Variants in HOXA3 observed in about 807,000 individuals in gnomAD.
HOXA3 encodes the protein homeobox protein Hox-A3.
A neutral mutation model predicts 30.3 loss-of-function variants in HOXA3; 8 were observed. That is an observed-to-expected ratio of 0.26 (90% confidence interval 0.15 to 0.48). The LOEUF (loss-of-function observed/expected upper bound fraction) is 0.48, where lower values mean the gene tolerates loss of function less well. HOXA3 is among the 20% of genes least tolerant of loss of function. HOXA3 has a pLI of 0.99. For synonymous variants in HOXA3, 323 were observed against 273.1 expected (o/e 1.18, Z -1.80); for missense variants, 653 against 614.4 (o/e 1.06, Z -0.66).
intron 3 of HOXA3, among the ~76,000 whole-genome samples, chr7:27,124,960 A>C (rs147068928): frequency 5.9e-5 from 9 of 152,132 alleles, no homozygotes; most frequent in African/African-American, 2.2e-4. Context: ...TCCCCTCCTG[A>C]GCCCAGTGGC....
intron 1 of HOXA3, chr7:27,147,725 T>C (rs375214907): frequency 2.5e-6 from 4 of 1,610,214 alleles, no homozygotes; most frequent in Non-Finnish European, 3.4e-6. Flanking sequence ...CCGGGGAAAG[T>C]GGGATTCACA....
chr7:27,130,195 GC>G, intron 2 of HOXA3: 1 of 1,572,418 alleles, frequency 6.4e-7, no homozygotes, highest in Non-Finnish European at 8.6e-7. Context: ...GCTCTTGTCG[GC>G]CAAGAGCAGC....
At chr7:27,145,337 G>T in intron 1 of HOXA3, 1 of 360,710 alleles carries the variant, frequency 2.8e-6, no homozygotes, top group South Asian at 4.7e-5. Flanking sequence ...AGCCCCAGAC[G>T]CATTCAGGGC....
chr7:27,130,221 G>A (rs756445998), intron 2 of HOXA3: 15 of 1,472,010 alleles, frequency 1.0e-5, no homozygotes, highest in Non-Finnish European at 8.1e-6. Context: ...ACGCGGGGGC[G>A]CTGCCCCCTG....
At chr7:27,126,062 A>G (rs936705766) in intron 3 of HOXA3, among the ~76,000 whole-genome samples, 3 of 152,190 alleles carry the variant, frequency 2.0e-5, no homozygotes, top group African/African-American at 7.2e-5. Flanking sequence ...CTGGGTATTA[A>G]GTACTCTACT....
intron 2 of HOXA3, among the ~76,000 whole-genome samples, chr7:27,139,409 C>A (rs963874294): frequency 6.6e-6 from 1 of 152,196 alleles, no homozygotes; most frequent in African/African-American, 2.4e-5. Context: ...CACCTTGCAA[C>A]CCGGGGGCCC....
rs762935434 is a variant in HOXA3, at chr7:27,108,103, G to T, written c.1144C>A (p.Leu382Ile). 4 of 1,610,462 alleles carry T rather than the reference G, an allele frequency of 2.5e-6. No homozygotes were observed. In the Admixed American group the frequency reaches 5.0e-5, roughly 20 times the overall value. ...TGGGGGAGGTGAGTTAGACCAAAGA[G>T]GGCTGGCCCGGAGTTGCTCATGGGC... ...VEPMSNSGPALFGLTHLPHAA... is the reference protein window; with the variant it reads ...VEPMSNSGPAIFGLTHLPHAA... The change falls in exon 6 of 6, where the codon CTC becomes ATC. Residue 382 changes from leucine (L) to isoleucine (I), a missense_variant. Transcript: ENST00000612286. The surrounding 1 kb of genome is among the most constrained non-coding windows in gnomAD (Gnocchi z 5.0).
intron 2 of HOXA3, chr7:27,130,525 GT>G (rs1562723019): frequency 2.2e-6 from 3 of 1,351,418 alleles, no homozygotes; most frequent in Non-Finnish European, 1.9e-6. Context: ...GTAGGAGGCA[GT>G]GGGCTCTCGG....
At chr7:27,112,204 T>C (rs1253692380) in intron 4 of HOXA3, among the ~76,000 whole-genome samples, 2 of 152,210 alleles carry the variant, frequency 1.3e-5, no homozygotes, top group Non-Finnish European at 2.9e-5. Context: ...CTCAGAATCT[T>C]AGTCCCTCTG....
chr7:27,129,039 C>G, intron 2 of HOXA3: 1 of 652,286 alleles, frequency 1.5e-6, no homozygotes, highest in South Asian at 1.8e-5. Context: ...ACTGTTCTCT[C>G]TTGGGTGGCA....
Position 27,107,971 on chromosome 7 carries a change from C to T in HOXA3, c.1276G>A (p.Gly426Ser), listed in dbSNP as rs1483717034. The change falls in exon 6 of 6, where the codon GGC (glycine) becomes AGC (serine). Residue 426 changes from glycine (G) to serine (S), a missense_variant. Around this residue, in one of 3 missense-constraint regions of HOXA3, gnomAD observed 330 missense variants for 274.4 expected, o/e 1.20. Coordinates refer to ENST00000612286, the MANE Select transcript of HOXA3 (RefSeq NM_153631.3). ...ATTCTTCCCTGAGAAGGATGGTGGC[C>T]GGTAAGGTCCGTGTAGGTGGGGTGC... ...EPHPTYTDLT[G>S]HHPSQGRIQE... 6.2e-7 allele frequency: 1 copy of T among 1,601,242 alleles called. No homozygotes were observed. Among genetic ancestry groups the T allele is most frequent in the Non-Finnish European group, 8.5e-7 (1 of 1,170,742 alleles).
At chr7:27,123,926 G>A (rs1269564941) in intron 3 of HOXA3, 18 of 152,382 alleles carry the variant, frequency 1.2e-4, no homozygotes, top group Non-Finnish European at 4.4e-5. Flanking sequence ...CCCAAAGGGA[G>A]TGCCCCCTGG....
At chr7:27,143,488 C>T in intron 1 of HOXA3, 1 of 1,613,888 alleles carries the variant, frequency 6.2e-7, no homozygotes, top group Non-Finnish European at 8.5e-7. Flanking sequence ...TGCCGGAGTG[C>T]ATGCTCGCCG....
intron 2 of HOXA3, among the ~76,000 whole-genome samples, chr7:27,136,419 AC>A (rs1303943131): frequency 6.6e-6 from 1 of 152,226 alleles, no homozygotes; most frequent in Non-Finnish European, 1.5e-5. Flanking sequence ...GAATGGGAGA[AC>A]CTTGCAAAAA....
intron 1 of HOXA3, chr7:27,147,233 C>T: frequency 1.5e-6 from 2 of 1,352,524 alleles, no homozygotes; most frequent in South Asian, 2.6e-5. Flanking sequence ...CCTCTTTCTA[C>T]TCTGTTTCCT....
intron 1 of HOXA3, chr7:27,151,084 C>T (rs1782957618): frequency 6.6e-6 from 1 of 152,376 alleles, no homozygotes; most frequent in Non-Finnish European, 1.5e-5. Flanking sequence ...TTATCCGCCC[C>T]GAGCGCACGC....
chr7:27,115,572 G>GT (rs1324162929), intron 4 of HOXA3: 1 of 152,244 alleles, frequency 6.6e-6, no homozygotes, highest in Non-Finnish European at 1.5e-5. Flanking sequence ...CCAGCTCTCC[G>GT]TAAGAACCTG....
intron 2 of HOXA3, 106 bp from the exon 3 acceptor site, chr7:27,127,176 G>C (rs1280943046): frequency 2.0e-5 from 3 of 152,188 alleles, no homozygotes; most frequent in African/African-American, 7.2e-5. Context: ...GTGTGTAGTA[G>C]GGGGAGGGTT....
rs1421968304 is a variant in HOXA3, at chr7:27,113,790, C to T, written c.-120-3030G>A. On this transcript the variant is annotated intron_variant, in intron 4 of 5. Coordinates refer to ENST00000612286, the MANE Select transcript of HOXA3 (RefSeq NM_153631.3). This position sits in a 1 kb window ranked among gnomAD's most constrained non-coding sequence, Gnocchi z 4.8. The stretch of plus-strand genomic sequence containing the variant: ...GGAGACCCCGAGGCCCGGTCACCGC[C>T]GCGCAGAGCGTGGCCGCCTCGCTGC... The T allele has an allele frequency of 2.0e-5, 3 of 152,114 alleles. No individual in the cohort carries two copies. The highest frequency in any genetic ancestry group is 2.4e-5 in the African/African-American group (1 of 41,428). The allele number at this position is 152,114 out of a possible 1,614,324, so 9.4% of individuals were successfully genotyped here. A position where few individuals can be genotyped will look rare whatever the true frequency, so the allele number is the denominator to read the frequency against.
Sources: allele counts gnomAD v4.1 joint callset (sites outside exome capture counted in the v4.1 genomes callset), GRCh38; gene constraint gnomAD v4.1.1; regional missense constraint gnomAD v4.1.1; non-coding constraint Gnocchi (gnomAD v3.1); transcripts MANE v1.5; gene names NCBI Gene and HGNC (gene_info 2026-07-23, HGNC 2026-07-21).